TEK: variants seen among roughly 807,000 people sequenced by gnomAD.
TEK encodes the protein TEK receptor tyrosine kinase, also known as angiopoietin-1 receptor.
Under a neutral mutation model 131.8 loss-of-function variants are expected in TEK, and 43 were observed. The observed-to-expected ratio is 0.33, with a 90% confidence interval of 0.26 to 0.42. The LOEUF (loss-of-function observed/expected upper bound fraction) is 0.42. Ranked by LOEUF, TEK falls within the 10% of genes least tolerant of loss-of-function variation. The pLI is 1.00. For synonymous variants in TEK, 580 were observed against 491.6 expected (o/e 1.18, Z -2.38); for missense variants, 1,162 against 1,384.4 (o/e 0.84, Z 2.55).
intron 21 of TEK, among the ~76,000 whole-genome samples, chr9:27,223,584 A>G (rs988113874): frequency 6.6e-6 from 1 of 152,202 alleles, no homozygotes; most frequent in Non-Finnish European, 1.5e-5. Context: ...ACAAAGACAC[A>G]ACATACCAGA....
chr9:27,218,552 A>AAC (rs1290059548), intron 19 of TEK, among the ~76,000 whole-genome samples: 7 of 152,074 alleles, frequency 4.6e-5, no homozygotes, highest in Non-Finnish European at 1.0e-4. Context: ...TCTCTAGTTA[A>AAC]AGTGATTTGG....
intron 1 of TEK, among the ~76,000 whole-genome samples, chr9:27,137,024 T>G (rs1251548335): frequency 1.3e-5 from 2 of 152,196 alleles, no homozygotes; most frequent in Non-Finnish European, 2.9e-5. Flanking sequence ...CAAGCGATTC[T>G]CCTGCCTCAG....
In TEK at chr9:27,202,883, C is replaced by T. The variant is rs886063822; in HGVS notation, c.1973C>T (p.Ser658Phe). 1.9e-6 allele frequency: 3 copies of T among 1,614,034 alleles called. No individual in the cohort carries two copies. Among genetic ancestry groups the T allele is most frequent in the South Asian group, 2.2e-5 (2 of 91,086 alleles). ...ATTACACACTCCTCAGCTGTGATTT[C>T]TTGGACAATATTGGATGGCTATTCT... ...SNITHSSAVI[S>F]WTILDGYSIS... Residue 658 changes from serine (S) to phenylalanine (F), a missense_variant, in exon 13 of 23, where the codon TCT becomes TTT. By Grantham distance (155) the Ser-to-Phe change is radical (BLOSUM62 -2). Coordinates refer to ENST00000380036, the MANE Select transcript of TEK (RefSeq NM_000459.5).
chr9:27,119,819 AG>A (rs1327401790), intron 1 of TEK, among the ~76,000 whole-genome samples: 1 of 151,890 alleles, frequency 6.6e-6, no homozygotes, highest in Non-Finnish European at 1.5e-5. Context: ...TTTTACTTCT[AG>A]TGGAATCTGC....
chr9:27,121,167 CA>C (rs879716539), intron 1 of TEK, among the ~76,000 whole-genome samples: 7 of 148,664 alleles, frequency 4.7e-5, no homozygotes, highest in South Asian at 2.1e-4. Flanking sequence ...ACTAAAAATA[CA>C]AAAAAAAAAT....
At chr9:27,168,108 G>T (rs1379733775) in intron 2 of TEK, among the ~76,000 whole-genome samples, 1 of 152,006 alleles carries the variant, frequency 6.6e-6, no homozygotes, top group African/African-American at 2.4e-5. Flanking sequence ...ATCCTTAGCT[G>T]GCATAATGCA....
intron 22 of TEK, among the ~76,000 whole-genome samples, chr9:27,228,941 G>A (rs576577628): frequency 1.3e-5 from 2 of 152,272 alleles, no homozygotes; most frequent in African/African-American, 4.8e-5. Context: ...CAGAAACTGA[G>A]GATACAGTAT....
chr9:27,124,910 C>T (rs1037294866), intron 1 of TEK, among the ~76,000 whole-genome samples: 18 of 152,248 alleles, frequency 1.2e-4, no homozygotes, highest in Middle Eastern at 3.4e-3. Context: ...GGGTTGACTT[C>T]GCAGATTGGC....
At position 27,197,299 on chromosome 9, in the gene TEK, T is replaced by C. The variant is rs745852634; in HGVS notation, c.1625-16T>C. 3 of 1,613,242 alleles carry C rather than the reference T, an allele frequency of 1.9e-6. No individual in the cohort carries two copies. The highest frequency in any genetic ancestry group is 4.5e-5 in the East Asian group (2 of 44,856). On this transcript the variant is annotated splice_polypyrimidine_tract_variant and intron_variant, in intron 11 of 22. Coordinates refer to ENST00000380036, the MANE Select transcript of TEK (RefSeq NM_000459.5). ...CAGCCATATATAAAAATAATGATTTTTCTGGATTCTCCTAGGACTCCCTCC... is the reference window on the plus strand; with the variant it reads ...CAGCCATATATAAAAATAATGATTTCTCTGGATTCTCCTAGGACTCCCTCC...
intron 2 of TEK, among the ~76,000 whole-genome samples, chr9:27,167,970 T>C (rs575082654): frequency 6.6e-6 from 1 of 152,226 alleles, no homozygotes; most frequent in African/African-American, 2.4e-5. Flanking sequence ...TAGGTACAGT[T>C]TGAGTGTTCC....
At chr9:27,113,296 T>G (rs1295488049) in intron 1 of TEK, among the ~76,000 whole-genome samples, 1 of 152,102 alleles carries the variant, frequency 6.6e-6, no homozygotes. Context: ...ACTCTCTTAA[T>G]AAATGAAGCT....
intron 15 of TEK, 87 bp downstream of exon 15, chr9:27,206,879 C>T: frequency 1.4e-6 from 2 of 1,468,818 alleles, no homozygotes; most frequent in African/African-American, 1.4e-5. Flanking sequence ...TATGGTCTTA[C>T]AAAAAATTGG....
chr9:27,154,488 G>A (rs905372279), intron 1 of TEK, among the ~76,000 whole-genome samples: 7 of 152,164 alleles, frequency 4.6e-5, no homozygotes, highest in Non-Finnish European at 1.0e-4. Context: ...GTACACACAA[G>A]CATATAGGGA....
intron 16 of TEK, among the ~76,000 whole-genome samples, chr9:27,211,175 A>ATATGTATGAATATATG (rs1825605769): frequency 1.1e-5 from 1 of 88,700 alleles, no homozygotes; most frequent in African/African-American, 3.4e-5. Flanking sequence ...GTATGTGTAT[A>ATATGTATGAATATATG]TATATATATG....
intron 1 of TEK, among the ~76,000 whole-genome samples, chr9:27,154,706 T>C (rs1823264233): frequency 1.3e-5 from 2 of 152,094 alleles, no homozygotes; most frequent in Admixed American, 6.6e-5. Flanking sequence ...TACCCAAAGC[T>C]CACATAGAAG....
At position 27,192,639 on chromosome 9, in the gene TEK, C is replaced by A. The variant is rs1478934702; in HGVS notation, c.1624+16C>A. The A allele has an allele frequency of 6.3e-7, 1 of 1,596,880 alleles. No homozygotes were observed. Among genetic ancestry groups the A allele is most frequent in the Non-Finnish European group, 8.5e-7 (1 of 1,173,940 alleles). On this transcript the variant is annotated intron_variant, in intron 11 of 22. Coordinates refer to ENST00000380036, the MANE Select transcript of TEK (RefSeq NM_000459.5). ...GCTTCTATCGGTCAGTGGAAGCCAA[C>A]AGGCATTTATTCATGAGCTGGGTGG...
chr9:27,121,455 T>A (rs944335199), intron 1 of TEK, among the ~76,000 whole-genome samples: 10 of 149,508 alleles, frequency 6.7e-5, no homozygotes, highest in African/African-American at 2.2e-4. Context: ...TAAATAAATT[T>A]TTTTTTTATT....
chr9:27,171,144 G>A lies in TEK; in HGVS notation c.629-1472G>A, dbSNP rs139762153. On this transcript the variant is annotated intron_variant, in intron 4 of 22. Coordinates refer to ENST00000380036, the MANE Select transcript of TEK (RefSeq NM_000459.5). ...TTTTTTCTCCATTATAACTATTGAA[G>A]TGGGGGCATAAATATCACCATTACA... 3.6e-3 allele frequency among the ~76,000 whole-genome samples: 552 copies of A among 152,238 alleles called. 1 individual carries two copies. The highest frequency in any genetic ancestry group is 0.012 in the African/African-American group (516 of 41,546).
At chr9:27,123,052 C>CA (rs10700803) in intron 1 of TEK, among the ~76,000 whole-genome samples, 889 of 34,678 alleles carry the variant, frequency 0.026, 260 homozygotes, top group African/African-American at 0.054. Context: ...GACTCTGTCT[C>CA]AAAAAAAAAA....
Sources: gnomAD v4.1 joint callset for allele counts (sites outside exome capture counted in the v4.1 genomes callset) on GRCh38, gnomAD v4.1.1 for gene constraint, MANE v1.5 for transcripts, NCBI Gene and HGNC (gene_info 2026-07-23, HGNC 2026-07-21) for gene names.